Variants in PEAR1 observed in about 807,000 individuals in gnomAD.
PEAR1 encodes multiple EGF-like domains protein 12.
Under a neutral mutation model 131.2 loss-of-function variants are expected in PEAR1, and 113 were observed. The observed-to-expected ratio is 0.86, with a 90% CI of 0.74 to 1.01. The LOEUF is 1.01. Among genes scored for constraint, PEAR1 ranks in the 50% least tolerant of loss-of-function variants. The pLI is 0.00. For synonymous variants in PEAR1, 565 were observed against 523.3 expected (o/e 1.08, Z -1.09); for missense variants, 1,408 against 1,391.1 (o/e 1.01, Z -0.19).
Position 156,914,737 on chromosome 1 carries a change from A to G in PEAR1, c.3053A>G (p.His1018Arg), listed in dbSNP as rs760378332. 9.3e-6 allele frequency: 15 copies of G among 1,613,926 alleles called. No homozygotes were observed. The highest frequency in any genetic ancestry group is 1.2e-5 in the Non-Finnish European group (14 of 1,179,960). ...DSPKNSHIPG[H>R]YDLPPVRHPP... ...CCCAAGAACAGCCACATCCCTGGAC[A>G]TTATGACTTGCCTCCAGTACGGCAT... The change falls in exon 23 of 23, where the codon CAT becomes CGT. Residue 1018 changes from histidine (H) to arginine (R), a missense_variant. His to Arg is a conservative substitution (Grantham distance 29). Transcript: ENST00000292357.
rs1262083596 is a variant in PEAR1, at chr1:156,910,683, C to T, written c.1891C>T (p.His631Tyr). 16 of 1,613,944 alleles carry T rather than the reference C, an allele frequency of 9.9e-6. No homozygotes were observed. In the Admixed American group the frequency reaches 2.5e-4, roughly 25 times the overall value. Residue 631 changes from histidine (H) to tyrosine (Y), a missense_variant, in exon 15 of 23, where the codon CAC (histidine) becomes TAC (tyrosine). Coordinates refer to ENST00000292357, the MANE Select transcript of PEAR1 (RefSeq NM_001080471.3). ...PCKCANHSFC[H>Y]PSNGTCYCLA... ...CAAGTGCGCTAACCACTCCTTCTGC[C>T]ACCCCTCGAACGGGACCTGCTACTG...
intron 6 of PEAR1, 39 bp from the exon 7 acceptor site, chr1:156,907,571 G>C: frequency 6.3e-7 from 1 of 1,585,198 alleles, no homozygotes; most frequent in Admixed American, 1.8e-5. Flanking sequence ...AGCAGTTATT[G>C]CTTGTTTGCA....
At chr1:156,896,418 G>A (rs1025913618) in intron 1 of PEAR1, among the ~76,000 whole-genome samples, 3 of 152,214 alleles carry the variant, frequency 2.0e-5, no homozygotes, top group Non-Finnish European at 4.4e-5. Context: ...CCCTTGGCAA[G>A]GCATTTTACC....
At chr1:156,898,959 G>A (rs970948009) in intron 1 of PEAR1, among the ~76,000 whole-genome samples, 4 of 152,218 alleles carry the variant, frequency 2.6e-5, no homozygotes, top group Admixed American at 1.3e-4. Flanking sequence ...TGAAGAACAA[G>A]ACAAAAGTCC....
At chr1:156,906,488 G>A in intron 5 of PEAR1, 120 bp downstream of exon 5, 1 of 1,529,820 alleles carries the variant, frequency 6.5e-7, no homozygotes, top group Non-Finnish European at 8.9e-7. Flanking sequence ...ACCCGCCAGA[G>A]CCCCATTGCT....
chr1:156,907,237 G>A (rs529524519), intron 6 of PEAR1, among the ~76,000 whole-genome samples: 3 of 152,328 alleles, frequency 2.0e-5, no homozygotes, highest in East Asian at 1.9e-4. Flanking sequence ...GGGGAGTCCC[G>A]GGAGGGAGAA....
chr1:156,903,601 G>C (rs572398759), intron 1 of PEAR1, among the ~76,000 whole-genome samples: 10 of 152,306 alleles, frequency 6.6e-5, no homozygotes, highest in Non-Finnish European at 1.2e-4. Flanking sequence ...GGAATGAGTG[G>C]GATCATCTGC....
In PEAR1 at chr1:156,902,697, A is replaced by G. The variant is rs1649808539; in HGVS notation, c.-9-1221A>G. On this transcript the variant is annotated intron_variant, in intron 1 of 22. Transcript: ENST00000292357. The surrounding 1 kb of genome is among the most constrained non-coding windows in gnomAD (Gnocchi z 4.3). ...ACCTTTCTCTCGTCTCAGAAAAATT[A>G]TAAGCAGATGTGGGCGCCTCGGGGA... is the stretch of plus-strand genomic sequence containing the variant. Among the ~76,000 whole-genome samples the G allele has an allele frequency of 6.6e-6, 1 of 152,146 alleles. No individual in the cohort carries two copies. Among genetic ancestry groups the G allele is most frequent in the Non-Finnish European group, 1.5e-5 (1 of 68,014 alleles).
At chr1:156,905,561 C>T (rs1239853596) in intron 4 of PEAR1, 137 bp downstream of exon 4, 3 of 711,262 alleles carry the variant, frequency 4.2e-6, no homozygotes, top group Non-Finnish European at 4.5e-6. Context: ...CTCCTCTCCT[C>T]TCCCTGGCCT....
chr1:156,905,053 A>G (rs1488548063), intron 3 of PEAR1: 2 of 1,408,368 alleles, frequency 1.4e-6, no homozygotes, highest in Non-Finnish European at 2.0e-6. Flanking sequence ...TAGGGTACGC[A>G]TGCATGTTAC....
intron 16 of PEAR1, 25 bp downstream of exon 16, chr1:156,912,400 GC>G (rs1651319846): frequency 1.2e-6 from 2 of 1,608,042 alleles, no homozygotes; most frequent in Non-Finnish European, 1.7e-6. Context: ...GGAACTCCAG[GC>G]CCCTGCCTCC....
chr1:156,905,112 C>CT, intron 3 of PEAR1: 2 of 1,276,644 alleles, frequency 1.6e-6, no homozygotes, highest in Non-Finnish European at 2.2e-6. Flanking sequence ...AATGCTCTTT[C>CT]TTTTTTTAAT....
chr1:156,897,760 C>G (rs1040563971), intron 1 of PEAR1, among the ~76,000 whole-genome samples: 2 of 152,228 alleles, frequency 1.3e-5, no homozygotes, highest in Non-Finnish European at 2.9e-5. Context: ...CTGTGTAGAA[C>G]CTGGGCATTT....
At chr1:156,895,674 C>G (rs1649092675) in intron 1 of PEAR1, among the ~76,000 whole-genome samples, 1 of 152,124 alleles carries the variant, frequency 6.6e-6, no homozygotes, top group Admixed American at 6.5e-5. Flanking sequence ...GGGAGAAAAG[C>G]AGGCCTAGAA....
In PEAR1 at chr1:156,913,500, C is replaced by G; in HGVS notation, c.2621C>G (p.Pro874Arg). Residue 874 changes from proline to arginine, a missense_variant, in exon 20 of 23, where the codon CCC (proline) becomes CGC (arginine). By Grantham distance (103) the Pro-to-Arg change is moderately radical. Transcript: ENST00000292357. ...LPADWKHRRE[P>R]PPGPLDRGSS... ...GCTGACTGGAAGCACCGCCGGGAGC[C>G]CCCTCCAGGGCCTCTGGACAGGGGT... 2 of 1,612,958 alleles carry G rather than the reference C, an allele frequency of 1.2e-6. No homozygotes were observed. Among genetic ancestry groups the G allele is most frequent in the South Asian group, 2.2e-5 (2 of 91,084 alleles).
At chr1:156,910,535 G>A (rs1650943017) in intron 14 of PEAR1, 83 bp from the exon 15 acceptor site, 1 of 1,574,310 alleles carries the variant, frequency 6.4e-7, no homozygotes, top group South Asian at 1.2e-5. Flanking sequence ...TACTGCAGTG[G>A]GAAGGTGGGA....
In PEAR1 at chr1:156,905,405, G is replaced by T. The variant is rs2102989089; in HGVS notation, c.288G>T (p.Glu96Asp). 1 of 1,606,470 alleles carries T rather than the reference G, an allele frequency of 6.2e-7. No individual in the cohort carries two copies. The highest frequency in any genetic ancestry group is 1.1e-5 in the South Asian group (1 of 90,232). ...QRLQCCHGFY[E>D]SRGFCVPLCA... ...TGCAGTGCTGCCATGGCTTCTATGA[G>T]AGCAGGGGGTTCTGTGTCCGTGAGT... is the stretch of plus-strand genomic sequence containing the variant. Residue 96 changes from glutamate to aspartate, a missense_variant, in exon 4 of 23, where the codon GAG becomes GAT. Physicochemically the swap from Glu to Asp is conservative, Grantham distance 45. Transcript: ENST00000292357.
chr1:156,908,098 G>A lies in PEAR1; in HGVS notation c.903-30G>A, dbSNP rs1250076994. On this transcript the variant is annotated intron_variant, in intron 8 of 22. Transcript: ENST00000292357. This position sits in a 1 kb window ranked among gnomAD's most constrained non-coding sequence, Gnocchi z 4.2. ...GGAGACGGGAGGGAGGAGGTGGGGC[G>A]CCGCCAGGCTCACTCAGCTAGGTGC... 2 of 1,576,958 alleles carry A rather than the reference G, an allele frequency of 1.3e-6. No individual in the cohort carries two copies. Among genetic ancestry groups the A allele is most frequent in the South Asian group, 1.2e-5 (1 of 85,888 alleles).
intron 4 of PEAR1, 61 bp downstream of exon 4, chr1:156,905,485 A>G: frequency 1.4e-6 from 2 of 1,441,558 alleles, no homozygotes; most frequent in Non-Finnish European, 1.9e-6. Context: ...AGCTTAGCCT[A>G]CTCTTCTGAG....
Sources: gnomAD v4.1 joint callset for allele counts (sites outside exome capture counted in the v4.1 genomes callset) on GRCh38, gnomAD v4.1.1 for gene constraint, Gnocchi (gnomAD v3.1) non-coding constraint, MANE v1.5 for transcripts, NCBI Gene and HGNC (gene_info 2026-07-23, HGNC 2026-07-21) for gene names.